The following SEPTIN9 variants were observed in gnomAD, a reference collection of about 807,000 sequenced individuals.
The protein encoded by SEPTIN9 is septin-9.
A neutral mutation model predicts 56.6 loss-of-function variants in SEPTIN9; 13 were observed. That is an observed-to-expected ratio of 0.23 (90% confidence interval 0.15 to 0.37). The LOEUF (loss-of-function observed/expected upper bound fraction) is 0.37. Among genes scored for constraint, SEPTIN9 ranks in the 10% least tolerant of loss-of-function variants. SEPTIN9 has a pLI of 1.00. For synonymous variants in SEPTIN9, 332 were observed against 334.1 expected, an observed-to-expected ratio of 0.99 and a Z score of 0.07; for missense variants, 650 against 823.1, an observed-to-expected ratio of 0.79 and a Z score of 2.57.
At position 77,475,537 on chromosome 17, in the gene SEPTIN9, G is replaced by A. The variant is rs939665039; in HGVS notation, c.722-6607G>A. 4.3e-6 allele frequency: 7 copies of A among 1,612,118 alleles called. No homozygotes were observed. The highest frequency in any genetic ancestry group is 1.3e-5 in the African/African-American group (1 of 74,862). Reference sequence around the variant, plus strand: ...TGCCCCCATGGGCTCAAGTTTCTGGGAAGGCCTGCAGGTGGCCGTAGGGCT... The same window carrying A: ...TGCCCCCATGGGCTCAAGTTTCTGGAAAGGCCTGCAGGTGGCCGTAGGGCT... On this transcript the variant is annotated intron_variant, in intron 3 of 11. Coordinates refer to ENST00000427177, the MANE Select transcript of SEPTIN9 (RefSeq NM_001113491.2). This position sits in a 1 kb window ranked among gnomAD's most constrained non-coding sequence, Gnocchi z 4.6.
At chr17:77,303,091 T>C (rs766427741) in intron 1 of SEPTIN9, among the ~76,000 whole-genome samples, 1 of 151,886 alleles carries the variant, frequency 6.6e-6, no homozygotes. Flanking sequence ...TCAAAGTGTG[T>C]TTTATTTATT....
Position 77,425,876 on chromosome 17 carries a change from T to G in SEPTIN9, c.721+23173T>G, listed in dbSNP as rs2036888218. On this transcript the variant is annotated intron_variant, in intron 3 of 11. Transcript: ENST00000427177. The surrounding 1 kb of genome is among the most constrained non-coding windows in gnomAD (Gnocchi z 4.2). ...GTGCGGTCTTGGACAGTCCCAGCCC[T>G]CCTGGAGCTGAGCATCCTGATCTGT... Among the ~76,000 whole-genome samples, 1 of 152,192 alleles carries G rather than the reference T, an allele frequency of 6.6e-6. No homozygotes were observed. The highest frequency in any genetic ancestry group is 1.5e-5 in the Non-Finnish European group (1 of 68,036).
chr17:77,293,432 G>A (rs2031662776), intron 1 of SEPTIN9, among the ~76,000 whole-genome samples: 1 of 152,168 alleles, frequency 6.6e-6, no homozygotes, highest in South Asian at 2.1e-4. Flanking sequence ...AAAGTGCTGG[G>A]ATTACAGGCG....
At chr17:77,304,972 C>T (rs1229473823) in intron 1 of SEPTIN9, among the ~76,000 whole-genome samples, 1 of 152,082 alleles carries the variant, frequency 6.6e-6, no homozygotes, top group Non-Finnish European at 1.5e-5. Flanking sequence ...CCTCCCCGCT[C>T]CTCTCCCCTC....
chr17:77,429,108 G>T lies in SEPTIN9; in HGVS notation c.721+26405G>T, dbSNP rs190645819. ...TTTGTGCCCCAGCTCCGTGTCCTCCGGTGTGTGTGAGGCCAAGCTCCTGGG... is the reference window on the plus strand; with the variant it reads ...TTTGTGCCCCAGCTCCGTGTCCTCCTGTGTGTGTGAGGCCAAGCTCCTGGG... On this transcript the variant is annotated intron_variant, in intron 3 of 11. Coordinates refer to ENST00000427177, the MANE Select transcript of SEPTIN9 (RefSeq NM_001113491.2). The surrounding 1 kb of genome is among the most constrained non-coding windows in gnomAD (Gnocchi z 5.2). 1 of 471,576 alleles carries T rather than the reference G, an allele frequency of 2.1e-6. No individual in the cohort carries two copies. Among genetic ancestry groups the T allele is most frequent in the South Asian group, 1.5e-5 (1 of 64,566 alleles). 29.2% of individuals were successfully genotyped at this position (471,576 alleles called of 1,614,324 possible).
At chr17:77,340,169 C>T (rs750331653) in intron 2 of SEPTIN9, among the ~76,000 whole-genome samples, 4 of 151,644 alleles carry the variant, frequency 2.6e-5, no homozygotes, top group Non-Finnish European at 5.9e-5. Context: ...GAGACAGAGT[C>T]TCCCTCTGTT....
chr17:77,452,771 G>A (rs762888918), intron 3 of SEPTIN9, among the ~76,000 whole-genome samples: 5 of 151,450 alleles, frequency 3.3e-5, no homozygotes, highest in Non-Finnish European at 7.4e-5. Context: ...ACTTAATGGG[G>A]CCACGTGTGT....
At chr17:77,438,020 A>G (rs1209232547) in intron 3 of SEPTIN9, among the ~76,000 whole-genome samples, 1 of 152,224 alleles carries the variant, frequency 6.6e-6, no homozygotes, top group Non-Finnish European at 1.5e-5. Flanking sequence ...CCCACGACAC[A>G]TCTGCTTCCA....
rs537327319 is a variant in SEPTIN9, at chr17:77,338,601, T to G, written c.76+31404T>G. Among the ~76,000 whole-genome samples, 15 of 152,256 alleles carry G rather than the reference T, an allele frequency of 9.9e-5. No individual in the cohort carries two copies. In the East Asian group the frequency reaches 2.7e-3, roughly 27 times the overall value. On this transcript the variant is annotated intron_variant, in intron 2 of 11. Transcript: ENST00000427177. Reference sequence around the variant, plus strand: ...GCCTGGCTAATTTTTGTATTTTTAGTAGAGACAGGGTTTCACCTTGTTGGC... The same window carrying G: ...GCCTGGCTAATTTTTGTATTTTTAGGAGAGACAGGGTTTCACCTTGTTGGC...
At chr17:77,457,748 C>T (rs901435736) in intron 3 of SEPTIN9, among the ~76,000 whole-genome samples, 1 of 152,242 alleles carries the variant, frequency 6.6e-6, no homozygotes, top group Non-Finnish European at 1.5e-5. Context: ...GTGTGCCCGT[C>T]CCCCTGGCCA....
At position 77,426,760 on chromosome 17, in the gene SEPTIN9, G is replaced by A. The variant is rs577056385; in HGVS notation, c.721+24057G>A. On this transcript the variant is annotated intron_variant, in intron 3 of 11. Coordinates refer to ENST00000427177, the MANE Select transcript of SEPTIN9 (RefSeq NM_001113491.2). ...TTTCTATGGGGCATGGATGAGTATT[G>A]GAGAGTCTTGCCGTTTATTTGTTCA... 3.6e-3 allele frequency among the ~76,000 whole-genome samples: 549 copies of A among 152,318 alleles called. 1 individual carries two copies. The highest frequency in any genetic ancestry group is 6.0e-3 in the Non-Finnish European group (405 of 68,032).
At chr17:77,495,322 T>C (rs904957916) in intron 10 of SEPTIN9, among the ~76,000 whole-genome samples, 3 of 152,208 alleles carry the variant, frequency 2.0e-5, no homozygotes, top group African/African-American at 4.8e-5. Flanking sequence ...ACCCTGGAAA[T>C]GTGCCTTCAG....
intron 1 of SEPTIN9, among the ~76,000 whole-genome samples, chr17:77,302,417 C>T (rs951314827): frequency 1.3e-5 from 2 of 151,874 alleles, no homozygotes; most frequent in African/African-American, 2.4e-5. Flanking sequence ...TGGTGGCTCA[C>T]GTCTGTAATC....
chr17:77,473,992 C>G (rs1452374410), intron 3 of SEPTIN9, among the ~76,000 whole-genome samples: 1 of 152,202 alleles, frequency 6.6e-6, no homozygotes, highest in African/African-American at 2.4e-5. Context: ...AGTTTCCAGC[C>G]CTGTCGCCTT....
chr17:77,497,519 C>T (rs991240985), intron 11 of SEPTIN9, 153 bp downstream of exon 11: 4 of 699,588 alleles, frequency 5.7e-6, no homozygotes, highest in Admixed American at 4.6e-5. Context: ...CTTGGAAGCC[C>T]ATCTTCTGAA....
chr17:77,465,464 C>T (rs139642760), intron 3 of SEPTIN9, among the ~76,000 whole-genome samples: 197 of 152,294 alleles, frequency 1.3e-3, no homozygotes, highest in African/African-American at 4.5e-3. Flanking sequence ...GCTGCGAGTC[C>T]GTGTCGCAGC....
chr17:77,436,783 G>A lies in SEPTIN9; in HGVS notation c.721+34080G>A, dbSNP rs1202809087. ...AAGTCCTTGGGGGTTCCTGCAGGGTGAGCTGCCCATTCTGGCCCTGGTAAG... is the reference window on the plus strand; with the variant it reads ...AAGTCCTTGGGGGTTCCTGCAGGGTAAGCTGCCCATTCTGGCCCTGGTAAG... On this transcript the variant is annotated intron_variant, in intron 3 of 11. Coordinates refer to ENST00000427177, the MANE Select transcript of SEPTIN9 (RefSeq NM_001113491.2). The surrounding 1 kb of genome is among the most constrained non-coding windows in gnomAD (Gnocchi z 4.4). Among the ~76,000 whole-genome samples, 3 of 152,380 alleles carry A rather than the reference G, an allele frequency of 2.0e-5. No individual in the cohort carries two copies. The highest frequency in any genetic ancestry group is 2.1e-4 in the South Asian group (1 of 4,830).
chr17:77,302,074 A>G (rs1486371383), intron 1 of SEPTIN9, among the ~76,000 whole-genome samples: 4 of 152,234 alleles, frequency 2.6e-5, no homozygotes, highest in Admixed American at 2.0e-4. Flanking sequence ...TCATTAAAGT[A>G]ACAACAATGA....
At chr17:77,282,189 A>G (rs2031058270) in intron 1 of SEPTIN9, among the ~76,000 whole-genome samples, 1 of 152,204 alleles carries the variant, frequency 6.6e-6, no homozygotes, top group Non-Finnish European at 1.5e-5. Flanking sequence ...CTTTCATTTC[A>G]TAAGAGGCTC....
Sources: allele counts gnomAD v4.1 joint callset (sites outside exome capture counted in the v4.1 genomes callset), GRCh38; gene constraint gnomAD v4.1.1; non-coding constraint Gnocchi (gnomAD v3.1); transcripts MANE v1.5; gene names NCBI Gene and HGNC (gene_info 2026-07-23, HGNC 2026-07-21).